Variants in HMCN2 observed in about 807,000 individuals in gnomAD.
HMCN2 encodes hemicentin 2, also known as hemicentin-2.
Under a neutral mutation model 377.5 loss-of-function variants are expected in HMCN2, and 325 were observed. The ratio of observed to expected loss-of-function variants is 0.86; its 90% CI spans 0.79 to 0.94. The LOEUF is 0.94. Ranked by LOEUF, HMCN2 falls within the 40% of genes least tolerant of loss-of-function variation. HMCN2 has a pLI of 0.00. For synonymous variants in HMCN2, 2,007 were observed against 2,046.8 expected (o/e 0.98, Z 0.53); for missense variants, 4,543 against 4,725.3 (o/e 0.96, Z 1.13).
intron 25 of HMCN2, among the ~76,000 whole-genome samples, chr9:130,342,960 C>T (rs1374594839): frequency 2.6e-5 from 4 of 152,242 alleles, no homozygotes; most frequent in East Asian, 1.9e-4. Flanking sequence ...TGCCCTGGCC[C>T]TTCCTGGTTT....
intron 19 of HMCN2, among the ~76,000 whole-genome samples, chr9:130,322,801 A>G (rs917503347): frequency 5.9e-5 from 9 of 152,228 alleles, no homozygotes; most frequent in Non-Finnish European, 1.0e-4. Flanking sequence ...TATTCACCCA[A>G]CTGGAACCAC....
chr9:130,431,551 C>T, intron 96 of HMCN2, 65 bp downstream of exon 96: 3 of 1,521,182 alleles, frequency 2.0e-6, no homozygotes, highest in South Asian at 1.2e-5. Context: ...TGGGATGGGA[C>T]ATGTGGCATC....
intron 4 of HMCN2, among the ~76,000 whole-genome samples, chr9:130,292,513 G>A (rs1554930395): frequency 6.6e-6 from 1 of 152,168 alleles, no homozygotes. Context: ...CTGTCGAAAA[G>A]GCACGGAATC....
chr9:130,294,149 A>G (rs898875819), intron 4 of HMCN2, among the ~76,000 whole-genome samples: 3 of 152,152 alleles, frequency 2.0e-5, no homozygotes, highest in Non-Finnish European at 4.4e-5. Flanking sequence ...TAGGGGGAGT[A>G]TCTCTGAGGG....
chr9:130,400,831 T>C lies in HMCN2; in HGVS notation c.11654T>C (p.Met3885Thr). Residue 3885 changes from methionine (M) to threonine (T), a missense_variant, in exon 77 of 98, where the codon ATG (methionine) becomes ACG (threonine). By Grantham distance (81) the Met-to-Thr change is moderately conservative. This residue lies in a region of HMCN2 where 1,073 missense variants were observed against 1,319.5 expected (regional missense o/e 0.81). Coordinates refer to ENST00000683500, the MANE Select transcript of HMCN2 (RefSeq NM_001291815.2). ...CAGACAGACTTCACCGTGACCATGA[T>C]GGCACCTGTGGTCCTCACATGTCAC... ...DDQTDFTVTM[M>T]APVVLTCHST... 2 of 1,289,488 alleles carry C rather than the reference T, an allele frequency of 1.6e-6. No homozygotes were observed. The highest frequency in any genetic ancestry group is 1.0e-6 in the Non-Finnish European group (1 of 988,716). The allele number at this position is 1,289,488 out of a possible 1,614,324, so 79.9% of individuals were successfully genotyped here.
Position 130,391,462 on chromosome 9 carries a change from C to T in HMCN2, c.9840C>T (p.Asp3280=), listed in dbSNP as rs750879177. 21 of 987,742 alleles carry T rather than the reference C, an allele frequency of 2.1e-5. No individual in the cohort carries two copies. The South Asian group carries it at 2.8e-4, about 13-fold the overall frequency. The allele number at this position is 987,742 out of a possible 1,614,324, so 61.2% of individuals were successfully genotyped here. A position where few individuals can be genotyped will look rare whatever the true frequency, so the allele number is the denominator to read the frequency against. The stretch of plus-strand genomic sequence containing the variant: ...TTCCCTGTGGCAGGTTCTACCTGGA[C>T]GGCGGCTCCCTGGTGCTAAAAGGCC... ...DMGPHLRFYL[D]GGSLVLKGLR... is the part of the protein sequence containing the mutation. Residue 3280 remains aspartate (D), a synonymous_variant, in exon 65 of 98, where the codon GAC becomes GAT. Coordinates refer to ENST00000683500, the MANE Select transcript of HMCN2 (RefSeq NM_001291815.2).
chr9:130,279,692 T>C (rs1314835465), intron 1 of HMCN2, among the ~76,000 whole-genome samples: 2 of 152,180 alleles, frequency 1.3e-5, no homozygotes, highest in East Asian at 1.9e-4. Flanking sequence ...TGTGGTCAAA[T>C]TGACTTTTCT....
At chr9:130,429,252 A>C in intron 93 of HMCN2, 2 of 401,706 alleles carry the variant, frequency 5.0e-6, no homozygotes, top group Non-Finnish European at 4.5e-6. Flanking sequence ...TGGATGAGGA[A>C]ACTGAGGCTC....
At chr9:130,315,038 G>A (rs1241755613) in intron 15 of HMCN2, among the ~76,000 whole-genome samples, 1 of 151,778 alleles carries the variant, frequency 6.6e-6, no homozygotes, top group Non-Finnish European at 1.5e-5. Flanking sequence ...CCTGGGAGGG[G>A]AGCGTGGCCT....
chr9:130,358,298 T>C, intron 35 of HMCN2, 92 bp from the exon 36 acceptor site: 3 of 1,290,494 alleles, frequency 2.3e-6, no homozygotes, highest in Non-Finnish European at 3.1e-6. Context: ...TCACTGCTCC[T>C]GCCCCCGGGC....
chr9:130,339,506 T>C (rs1481270250), intron 23 of HMCN2, among the ~76,000 whole-genome samples: 1 of 152,136 alleles, frequency 6.6e-6, no homozygotes, highest in Non-Finnish European at 1.5e-5. Context: ...GGCAGTGTAA[T>C]AAGCAGGGCC....
intron 7 of HMCN2, among the ~76,000 whole-genome samples, chr9:130,297,064 G>A (rs1554932446): frequency 1.3e-5 from 2 of 152,168 alleles, no homozygotes; most frequent in Non-Finnish European, 2.9e-5. Flanking sequence ...TCAGTGTCCT[G>A]GAGGACACTT....
chr9:130,428,359 T>G lies in HMCN2; in HGVS notation c.14067T>G (p.Asp4689Glu), dbSNP rs1326625477. 2 of 1,545,580 alleles carry G rather than the reference T, an allele frequency of 1.3e-6. No individual in the cohort carries two copies. Among genetic ancestry groups the G allele is most frequent in the Non-Finnish European group, 1.7e-6 (2 of 1,145,400 alleles). The part of the protein sequence containing the change: ...ALAWDDRNCR[D>E]VDECAWDAHL... ...CCGTCTGCCCTGATCTGCCCCCAGA[T>G]GTGGACGAGTGTGCGTGGGATGCTC... Residue 4689 changes from aspartate (D) to glutamate (E), a missense_variant and splice_region_variant, in exon 93 of 98, where the codon GAT (aspartate) becomes GAG (glutamate). Coordinates refer to ENST00000683500, the MANE Select transcript of HMCN2 (RefSeq NM_001291815.2). This position sits in a 1 kb window ranked among gnomAD's most constrained non-coding sequence, Gnocchi z 5.0.
chr9:130,339,888 G>T (rs1371481930), intron 23 of HMCN2, among the ~76,000 whole-genome samples: 1 of 152,192 alleles, frequency 6.6e-6, no homozygotes, highest in Non-Finnish European at 1.5e-5. Context: ...CGAGGGTCCA[G>T]GACACTTGTC....
chr9:130,352,409 G>C (rs142593399), intron 30 of HMCN2, among the ~76,000 whole-genome samples: 6 of 152,222 alleles, frequency 3.9e-5, no homozygotes, highest in African/African-American at 1.4e-4. Context: ...AAAGGTTAGG[G>C]ACATGCATAG....
intron 14 of HMCN2, among the ~76,000 whole-genome samples, chr9:130,309,403 T>C (rs1837089500): frequency 1.4e-5 from 2 of 146,976 alleles, no homozygotes; most frequent in Non-Finnish European, 1.5e-5. Context: ...TAATCCCAGA[T>C]ACTTGGTAGG....
At chr9:130,305,146 G>A (rs906045357) in intron 11 of HMCN2, 144 bp downstream of exon 11, 16 of 366,340 alleles carry the variant, frequency 4.4e-5, no homozygotes, top group Admixed American at 2.4e-4. Context: ...AACTTTCAGG[G>A]AGAGAGAATA....
rs2131743100 is a variant in HMCN2 at position 130,408,869 on chromosome 9, C to T, written c.12815C>T (p.Pro4272Leu). 1 of 1,289,804 alleles carries T rather than the reference C, an allele frequency of 7.8e-7. No individual in the cohort carries two copies. Among genetic ancestry groups the T allele is most frequent in the Non-Finnish European group, 1.0e-6 (1 of 988,860 alleles). 79.9% of individuals were successfully genotyped at this position (1,289,804 alleles called of 1,614,324 possible). Residue 4272 changes from proline to leucine, a missense_variant, in exon 84 of 98, where the codon CCA (proline) becomes CTA (leucine). Physicochemically the swap from Pro to Leu is moderately conservative, Grantham distance 98. Coordinates refer to ENST00000683500, the MANE Select transcript of HMCN2 (RefSeq NM_001291815.2). Reference sequence around the variant, plus strand: ...ATCCACTGGATCAAAGATGGCCTTCCACTGCGGGGCAGCCACCTCCGGCAC... The same window carrying T: ...ATCCACTGGATCAAAGATGGCCTTCTACTGCGGGGCAGCCACCTCCGGCAC... ...PDIHWIKDGL[P>L]LRGSHLRHQL... is the part of the protein sequence containing the mutation.
In HMCN2 at chr9:130,393,276, G is replaced by A. The variant is rs910701243; in HGVS notation, c.10201G>A (p.Val3401Met). ...CTGTGTGGCCGCAAGCCCAGCTGGC[G>A]TGGCGGACAGGAACTTCACCTTGCA... ...FTCVAASPAG[V>M]ADRNFTLQVQ... Residue 3401 changes from valine (V) to methionine (M), a missense_variant, in exon 67 of 98, where the codon GTG becomes ATG. This residue lies in a region of HMCN2 where 1,073 missense variants were observed against 1,319.5 expected (regional missense o/e 0.81). Coordinates refer to ENST00000683500, the MANE Select transcript of HMCN2 (RefSeq NM_001291815.2). The surrounding 1 kb of genome is among the most constrained non-coding windows in gnomAD (Gnocchi z 5.2). 152 of 988,408 alleles carry A rather than the reference G, an allele frequency of 1.5e-4. No homozygotes were observed. The highest frequency in any genetic ancestry group is 1.7e-4 in the Non-Finnish European group (139 of 830,442). The allele number at this position is 988,408 out of a possible 1,614,324, so 61.2% of individuals were successfully genotyped here. A position where few individuals can be genotyped will look rare whatever the true frequency, so the allele number is the denominator to read the frequency against.
Sources: gnomAD v4.1 joint callset for allele counts (sites outside exome capture counted in the v4.1 genomes callset) on GRCh38, gnomAD v4.1.1 for gene constraint, gnomAD v4.1.1 regional missense constraint, Gnocchi (gnomAD v3.1) non-coding constraint, MANE v1.5 for transcripts, NCBI Gene and HGNC (gene_info 2026-07-23, HGNC 2026-07-21) for gene names.